SPOCK3: variants seen among roughly 807,000 people sequenced by gnomAD.
SPOCK3 encodes SPARC (osteonectin), cwcv and kazal like domains proteoglycan 3.
In SPOCK3, 30 loss-of-function variants were observed where a neutral mutation model predicts 56.6. The observed-to-expected ratio is 0.53, with a 90% CI of 0.40 to 0.72. The LOEUF (loss-of-function observed/expected upper bound fraction) is 0.72. Among genes scored for constraint, SPOCK3 ranks in the 30% least tolerant of loss-of-function variants. The pLI, the probability that SPOCK3 is intolerant of heterozygous loss-of-function variation, is 0.00. For synonymous variants in SPOCK3, 196 were observed against 183.3 expected (o/e 1.07, Z -0.56); for missense variants, 527 against 530.0 (o/e 0.99, Z 0.06).
chr4:167,008,268 A>G (rs1192403556), intron 3 of SPOCK3, among the ~76,000 whole-genome samples: 1 of 151,986 alleles, frequency 6.6e-6, no homozygotes, highest in Non-Finnish European at 1.5e-5. Flanking sequence ...TTTATATGTG[A>G]TTCTTATACC....
chr4:166,791,007 A>G (rs536573549), intron 7 of SPOCK3, among the ~76,000 whole-genome samples: 1 of 152,268 alleles, frequency 6.6e-6, no homozygotes, highest in South Asian at 2.1e-4. Flanking sequence ...AAATATTTAC[A>G]TTTGCCAAAA....
At chr4:167,083,336 C>A in intron 2 of SPOCK3, 1 of 763,730 alleles carries the variant, frequency 1.3e-6, no homozygotes, top group South Asian at 1.3e-5. Flanking sequence ...CAGTTCCCCA[C>A]CATGTGCATT....
intron 8 of SPOCK3, among the ~76,000 whole-genome samples, chr4:166,748,362 C>CACACATCTACAAACCATCTGATCT (rs1190043572): frequency 7.3e-6 from 1 of 136,772 alleles, no homozygotes; most frequent in Non-Finnish European, 1.5e-5. Context: ...CTTTGACAAA[C>CACACATCTACAAACCATCTGATCT]CTGACAAAAA....
chr4:166,754,272 G>C, intron 8 of SPOCK3: 1 of 1,239,222 alleles, frequency 8.1e-7, no homozygotes, highest in South Asian at 2.6e-5. Flanking sequence ...AAACTATAAT[G>C]TAGTGGCATT....
At chr4:167,109,785 T>C (rs1391987021) in intron 2 of SPOCK3, among the ~76,000 whole-genome samples, 1 of 150,780 alleles carries the variant, frequency 6.6e-6, no homozygotes, top group Non-Finnish European at 1.5e-5. Flanking sequence ...AAAACCAAAA[T>C]ACTATATGAA....
intron 4 of SPOCK3, among the ~76,000 whole-genome samples, chr4:166,972,366 T>C (rs1016235213): frequency 2.0e-5 from 3 of 152,204 alleles, no homozygotes; most frequent in Admixed American, 6.5e-5. Flanking sequence ...AATGTTACAA[T>C]GTAAAATGAT....
chr4:167,205,371 T>A (rs1407368988), intron 2 of SPOCK3, among the ~76,000 whole-genome samples: 4 of 34,616 alleles, frequency 1.2e-4, no homozygotes, highest in South Asian at 6.2e-4. Flanking sequence ...TTATATATTT[T>A]ATATATATAA....
intron 6 of SPOCK3, among the ~76,000 whole-genome samples, chr4:166,888,550 T>A (rs1441543986): frequency 6.6e-6 from 1 of 152,078 alleles, no homozygotes; most frequent in Non-Finnish European, 1.5e-5. Flanking sequence ...AGTCAAGTTA[T>A]ATATTATAGT....
Position 166,911,599 on chromosome 4 carries a change from G to A in SPOCK3, c.474+1021C>T, listed in dbSNP as rs183759831. On this transcript the variant is annotated intron_variant, in intron 5 of 10. Coordinates refer to ENST00000357545, the MANE Select transcript of SPOCK3 (RefSeq NM_001040159.2). ...ATTGCCCAGGCTGGAGTACAATGGC[G>A]CAATCTCAGCTCACTGCAACCTCCG... 2.8e-4 allele frequency among the ~76,000 whole-genome samples: 43 copies of A among 152,150 alleles called. 1 individual carries two copies. The highest frequency in any genetic ancestry group is 5.4e-4 in the Non-Finnish European group (37 of 67,990).
intron 10 of SPOCK3, among the ~76,000 whole-genome samples, chr4:166,736,393 A>G (rs1295368411): frequency 2.0e-5 from 3 of 152,148 alleles, no homozygotes; most frequent in African/African-American, 4.8e-5. Context: ...TGTGTTCCCT[A>G]TATGTAAAAT....
intron 4 of SPOCK3, among the ~76,000 whole-genome samples, chr4:166,928,548 G>C (rs1231181173): frequency 6.6e-6 from 1 of 152,158 alleles, no homozygotes; most frequent in Non-Finnish European, 1.5e-5. Flanking sequence ...AGGATGAATA[G>C]GCAGATCACA....
intron 7 of SPOCK3, among the ~76,000 whole-genome samples, chr4:166,755,655 A>T (rs1452899819): frequency 1.3e-5 from 2 of 152,100 alleles, no homozygotes; most frequent in Non-Finnish European, 2.9e-5. Flanking sequence ...GGAAAAGAGG[A>T]TGTATTGGAG....
intron 4 of SPOCK3, among the ~76,000 whole-genome samples, chr4:166,993,283 A>G (rs999457274): frequency 6.6e-6 from 1 of 152,102 alleles, no homozygotes; most frequent in South Asian, 2.1e-4. Context: ...AGCTATGCTC[A>G]CTCAAAAAAA....
In SPOCK3 at chr4:167,114,394, T is replaced by A. The variant is rs955357458; in HGVS notation, c.190-51857A>T. Among the ~76,000 whole-genome samples the A allele has an allele frequency of 4.6e-5, 7 of 152,076 alleles. No individual in the cohort carries two copies. In the East Asian group the frequency reaches 1.4e-3, roughly 29 times the overall value. On this transcript the variant is annotated intron_variant, in intron 2 of 10. Transcript: ENST00000357545. The stretch of plus-strand genomic sequence containing the variant: ...GAAGAGACAGAGAACCCGAACAGAG[T>A]TTCTTCCCATTTCTTAGGACTGGGA...
intron 2 of SPOCK3, among the ~76,000 whole-genome samples, chr4:167,136,192 G>A (rs990595591): frequency 2.6e-5 from 4 of 152,010 alleles, no homozygotes; most frequent in Non-Finnish European, 4.4e-5. Flanking sequence ...AATTTGTAAG[G>A]CCTCAATGTA....
chr4:167,229,648 T>G (rs775508051), intron 2 of SPOCK3, among the ~76,000 whole-genome samples: 13 of 152,142 alleles, frequency 8.5e-5, no homozygotes, highest in Non-Finnish European at 1.6e-4. Context: ...AAGAATGTTC[T>G]GCTTACTATT....
intron 4 of SPOCK3, among the ~76,000 whole-genome samples, chr4:166,946,283 T>A (rs1465125021): frequency 6.6e-6 from 1 of 152,200 alleles, no homozygotes; most frequent in East Asian, 1.9e-4. Context: ...GACCCTGCAA[T>A]GGCTCCCCTT....
chr4:166,940,922 T>C (rs1327642333), intron 4 of SPOCK3, among the ~76,000 whole-genome samples: 5 of 150,820 alleles, frequency 3.3e-5, no homozygotes, highest in Middle Eastern at 3.2e-3. Flanking sequence ...CTCATCCTTA[T>C]GAGCAGCCCA....
At chr4:167,113,773 C>T (rs542167327) in intron 2 of SPOCK3, among the ~76,000 whole-genome samples, 3 of 152,102 alleles carry the variant, frequency 2.0e-5, no homozygotes, top group Admixed American at 1.3e-4. Context: ...GATCACCCAC[C>T]GCACAAGGGC....
Sources: gnomAD v4.1 joint callset for allele counts (sites outside exome capture counted in the v4.1 genomes callset) on GRCh38, gnomAD v4.1.1 for gene constraint, MANE v1.5 for transcripts, NCBI Gene and HGNC (gene_info 2026-07-23, HGNC 2026-07-21) for gene names.